Variants in ADAM20 observed in about 807,000 individuals in gnomAD.
ADAM20 encodes the protein ADAM metallopeptidase domain 20.
For missense variants in ADAM20, 871 were observed against 883.2 expected (o/e 0.99, Z 0.18); for synonymous variants, 305 against 310.2 (o/e 0.98, Z 0.18).
At chr14:70,527,523 G>A (rs1883615742) in intron 1 of ADAM20, among the ~76,000 whole-genome samples, 1 of 152,106 alleles carries the variant, frequency 6.6e-6, no homozygotes, top group Non-Finnish European at 1.5e-5. Context: ...TAATGGACAA[G>A]AATCACTTAC....
chr14:70,559,146 T>C, the ADAM20 span, among the ~76,000 whole-genome samples: 4 of 152,318 alleles, frequency 2.6e-5, no homozygotes, highest in African/African-American at 4.8e-5. Context: ...AAATGTCTAA[T>C]TGGCATCTGA....
chr14:70,575,323 T>C, the ADAM20 span, among the ~76,000 whole-genome samples: 28 of 152,128 alleles, frequency 1.8e-4, no homozygotes, highest in African/African-American at 6.8e-4. Flanking sequence ...GCCTCCCTAG[T>C]TGCTGGGACT....
Position 70,523,660 on chromosome 14 carries a change from C to T in ADAM20, c.1098G>A (p.Met366Ile), listed in dbSNP as rs1432691464. Residue 366 changes from methionine (M) to isoleucine (I), a missense_variant, in exon 2 of 2, where the codon ATG becomes ATA. By Grantham distance (10) the Met-to-Ile change is conservative. Transcript: ENST00000256389. ...TAGTTGTCACCTTTCTATAGGCATG[C>T]ATTATGCACCACTGTAGCTCGCACA... is the stretch of plus-strand genomic sequence containing the variant. ...WCVCELQWCI[M>I]HAYRKVTTKF... 6.2e-7 allele frequency: 1 copy of T among 1,614,046 alleles called. No individual in the cohort carries two copies. The highest frequency in any genetic ancestry group is 2.2e-5 in the East Asian group (1 of 44,870).
At chr14:70,537,776 C>A (rs1190108527), upstream of ADAM20, among the ~76,000 whole-genome samples, 1 of 152,116 alleles carries the variant, frequency 6.6e-6, no homozygotes, top group Non-Finnish European at 1.5e-5. Context: ...TTTTTTATTG[C>A]AACATGGCCT....
Position 70,523,700 on chromosome 14 carries a change from T to C in ADAM20, c.1058A>G (p.Asp353Gly), listed in dbSNP as rs1030224752. 4 of 1,613,956 alleles carry C rather than the reference T, an allele frequency of 2.5e-6. No homozygotes were observed. The East Asian group carries it at 6.7e-5, about 27-fold the overall frequency. Residue 353 changes from aspartate (D) to glycine (G), a missense_variant, in exon 2 of 2, where the codon GAC (aspartate) becomes GGC (glycine). By Grantham distance (94) the Asp-to-Gly change is moderately conservative. Transcript: ENST00000256389. ...TAGCTCGCACACACACCACTGGGTG[T>C]CATGTTGCATACCCAAATTATGACC... is the stretch of plus-strand genomic sequence containing the variant. ...ELGHNLGMQH[D>G]TQWCVCELQW...
the ADAM20 span, among the ~76,000 whole-genome samples, chr14:70,559,196 CCCA>C: frequency 6.6e-6 from 1 of 152,108 alleles, no homozygotes; most frequent in Non-Finnish European, 1.5e-5. Context: ...GCTCCCTCCT[CCCA>C]CCACCTCCTC....
upstream of ADAM20, among the ~76,000 whole-genome samples, chr14:70,536,714 C>T (rs188133160): frequency 5.5e-4 from 83 of 152,104 alleles, no homozygotes; most frequent in Admixed American, 1.8e-3. Flanking sequence ...CAACCAGAAA[C>T]ATTCCAACCA....
At chr14:70,578,887 T>G in the ADAM20 span, among the ~76,000 whole-genome samples, 1 of 152,096 alleles carries the variant, frequency 6.6e-6, no homozygotes, top group African/African-American at 2.4e-5. Context: ...CCCATCTTTG[T>G]GTCTATGTGC....
the ADAM20 span, among the ~76,000 whole-genome samples, chr14:70,577,334 AAC>A: frequency 6.6e-6 from 1 of 152,216 alleles, no homozygotes; most frequent in Non-Finnish European, 1.5e-5. Flanking sequence ...TGAAAATGAA[AAC>A]AGTGTAATCC....
At chr14:70,535,388 A>G, upstream of ADAM20, among the ~76,000 whole-genome samples, 1 of 152,254 alleles carries the variant, frequency 6.6e-6, no homozygotes, top group South Asian at 2.1e-4. Context: ...AGATACGTCA[A>G]GGGAAAGGGA....
chr14:70,537,318 C>G (rs1883858148), upstream of ADAM20, among the ~76,000 whole-genome samples: 1 of 152,330 alleles, frequency 6.6e-6, no homozygotes, highest in South Asian at 2.1e-4. Context: ...TCTGACCACC[C>G]ATAACAGGTA....
the ADAM20 span, among the ~76,000 whole-genome samples, chr14:70,564,875 C>G: frequency 6.7e-6 from 1 of 149,080 alleles, no homozygotes; most frequent in African/African-American, 2.5e-5. Context: ...AGCAAGACCC[C>G]TTGTATAAAA....
At chr14:70,571,378 TA>T in the ADAM20 span, among the ~76,000 whole-genome samples, 1 of 152,198 alleles carries the variant, frequency 6.6e-6, no homozygotes, top group South Asian at 2.1e-4. Context: ...GATGGTTTTA[TA>T]AGGGGCTTCC....
chr14:70,569,885 C>CAAAAAAAAAAAAAA, the ADAM20 span, among the ~76,000 whole-genome samples: 9 of 76,186 alleles, frequency 1.2e-4, no homozygotes, highest in East Asian at 4.4e-4. Context: ...AGAAAACTAA[C>CAAAAAAAAAAAAAA]AAAAAAAAAA....
the ADAM20 span, among the ~76,000 whole-genome samples, chr14:70,540,181 T>C: frequency 4.1e-4 from 62 of 152,292 alleles, no homozygotes; most frequent in Admixed American, 1.3e-3. Context: ...GCCTGGCCCC[T>C]AGCCCTGTTC....
chr14:70,535,116 T>A (rs1288207068), upstream of ADAM20: 1 of 152,230 alleles, frequency 6.6e-6, no homozygotes, highest in Non-Finnish European at 1.5e-5. Flanking sequence ...GGGGATGAAG[T>A]GACTGCTGTG....
the ADAM20 span, among the ~76,000 whole-genome samples, chr14:70,541,955 T>TA: frequency 6.6e-6 from 1 of 152,190 alleles, no homozygotes; most frequent in Non-Finnish European, 1.5e-5. Context: ...AGTGGTTTTA[T>TA]AACTGCTGTG....
the ADAM20 span, among the ~76,000 whole-genome samples, chr14:70,563,006 A>G: frequency 6.6e-6 from 1 of 152,224 alleles, no homozygotes; most frequent in African/African-American, 2.4e-5. Flanking sequence ...TCCCTACAGT[A>G]GGATATTCAT....
chr14:70,524,741 G>C lies in ADAM20; in HGVS notation c.17C>G (p.Pro6Arg), dbSNP rs767624174. The C allele has an allele frequency of 6.2e-7, 1 of 1,613,908 alleles. No homozygotes were observed. The highest frequency in any genetic ancestry group is 1.7e-5 in the Admixed American group (1 of 59,982). The change falls in exon 2 of 2, where the codon CCC (proline) becomes CGC (arginine). Residue 6 changes from proline (P) to arginine (R), a missense_variant. Physicochemically the swap from Pro to Arg is moderately radical, Grantham distance 103. Transcript: ENST00000256389. MAVGE[P>R]LVHIRVTLLL... ...AAGAGTGACCCTGATGTGCACCAGG[G>C]GCTCACCCACTGCCATTATGAAGCT...
Sources: gnomAD v4.1 joint callset for allele counts (sites outside exome capture counted in the v4.1 genomes callset) on GRCh38, gnomAD v4.1.1 for gene constraint, MANE v1.5 for transcripts, NCBI Gene and HGNC (gene_info 2026-07-23, HGNC 2026-07-21) for gene names.